Variants in SYT16 observed in about 807,000 individuals in gnomAD.
SYT16 encodes synaptotagmin 16.
Under a neutral mutation model 61.4 loss-of-function variants are expected in SYT16, and 42 were observed. That is an observed-to-expected ratio of 0.68 (90% CI 0.53 to 0.89). SYT16 has a LOEUF of 0.89. SYT16 is among the 40% of genes least tolerant of loss of function. SYT16 has a pLI of 0.00. For missense variants in SYT16, 804 were observed against 807.3 expected, an observed-to-expected ratio of 1.00 and a Z score of 0.05; for synonymous variants, 314 against 302.3, an observed-to-expected ratio of 1.04 and a Z score of -0.40.
chr14:61,885,155 G>T (rs573710847), intron 1 of SYT16, among the ~76,000 whole-genome samples: 1 of 152,208 alleles, frequency 6.6e-6, no homozygotes, highest in East Asian at 1.9e-4. Flanking sequence ...ATTTCAAATG[G>T]ACACAAGGAG....
intron 3 of SYT16, among the ~76,000 whole-genome samples, chr14:62,052,215 A>C (rs1325786066): frequency 1.3e-5 from 2 of 152,064 alleles, no homozygotes; most frequent in East Asian, 3.9e-4. Context: ...TTAATCCATG[A>C]ATTTCCTTTA....
At chr14:61,908,890 A>T (rs6573405) in intron 1 of SYT16, among the ~76,000 whole-genome samples, 136,790 of 152,178 alleles carry the variant, frequency 0.9, 61,630 homozygotes, top group East Asian at 0.98. Flanking sequence ...TGGCGTGATA[A>T]TGGTTCACTG....
At chr14:61,890,330 C>T (rs217681) in intron 1 of SYT16, among the ~76,000 whole-genome samples, 137,405 of 152,140 alleles carry the variant, frequency 0.9, 62,171 homozygotes, top group East Asian at 0.98. Flanking sequence ...GTTGAGAAGG[C>T]GCTTTGGGTT....
At chr14:62,076,385 T>C (rs2140960153) in intron 5 of SYT16, among the ~76,000 whole-genome samples, 1 of 150,744 alleles carries the variant, frequency 6.6e-6, no homozygotes, top group Non-Finnish European at 1.5e-5. Context: ...TTTGAGAAAA[T>C]AAACAGGATG....
intron 3 of SYT16, among the ~76,000 whole-genome samples, chr14:62,048,646 G>T (rs1166641512): frequency 6.6e-6 from 1 of 152,112 alleles, no homozygotes; most frequent in South Asian, 2.1e-4. Flanking sequence ...ACACTGCTTT[G>T]AATGTGTCCC....
chr14:61,963,051 G>A (rs986548328), intron 1 of SYT16, among the ~76,000 whole-genome samples: 3 of 151,984 alleles, frequency 2.0e-5, no homozygotes, highest in Non-Finnish European at 4.4e-5. Context: ...TAACTTAATC[G>A]ATAAATATTG....
At chr14:62,044,986 A>C (rs2054907808) in intron 3 of SYT16, among the ~76,000 whole-genome samples, 1 of 152,070 alleles carries the variant, frequency 6.6e-6, no homozygotes. Flanking sequence ...AAAAATACAA[A>C]AATTAGCTGG....
intron 3 of SYT16, among the ~76,000 whole-genome samples, chr14:62,055,519 C>T (rs542026891): frequency 1.3e-5 from 2 of 152,220 alleles, no homozygotes; most frequent in South Asian, 2.1e-4. Context: ...TTTTGTGATC[C>T]CTGCAGTCAG....
chr14:62,000,099 ATTTTTTT>A, intron 3 of SYT16, among the ~76,000 whole-genome samples: 1 of 18,950 alleles, frequency 5.3e-5, no homozygotes, highest in African/African-American at 2.9e-4. Context: ...TTGTCTCTCG[ATTTTTTT>A]TTTTTTTTTT....
intron 1 of SYT16, among the ~76,000 whole-genome samples, chr14:61,930,832 G>C (rs1251325854): frequency 6.6e-6 from 1 of 152,086 alleles, no homozygotes; most frequent in African/African-American, 2.4e-5. Context: ...TTTGAACATA[G>C]AGAAAGGGAC....
chr14:61,881,594 C>A (rs1023377000), intron 1 of SYT16, among the ~76,000 whole-genome samples: 1 of 152,144 alleles, frequency 6.6e-6, no homozygotes, highest in African/African-American at 2.4e-5. Context: ...TTGTTGAATG[C>A]CCTTCTCTTC....
chr14:62,001,385 C>G (rs2053007926), intron 3 of SYT16, among the ~76,000 whole-genome samples: 1 of 152,072 alleles, frequency 6.6e-6, no homozygotes, highest in Non-Finnish European at 1.5e-5. Context: ...GGTTGACAGT[C>G]ATTTTCTTTC....
intron 2 of SYT16, among the ~76,000 whole-genome samples, chr14:61,989,778 A>G (rs1376589788): frequency 1.3e-5 from 2 of 152,132 alleles, no homozygotes; most frequent in Non-Finnish European, 2.9e-5. Flanking sequence ...AAAGCTATTA[A>G]TATTTCTTTC....
At chr14:61,951,718 TTC>T (rs1400054914) in intron 1 of SYT16, among the ~76,000 whole-genome samples, 6 of 152,124 alleles carry the variant, frequency 3.9e-5, no homozygotes, top group African/African-American at 1.4e-4. Flanking sequence ...TGATTGAATA[TTC>T]TCTGACATTT....
At chr14:62,029,809 G>A (rs1327992476) in intron 3 of SYT16, among the ~76,000 whole-genome samples, 3 of 151,866 alleles carry the variant, frequency 2.0e-5, no homozygotes, top group African/African-American at 7.3e-5. Context: ...GGAGGAGATT[G>A]ATGGTTTTAT....
At chr14:61,867,527 G>A (rs542561613) in intron 1 of SYT16, among the ~76,000 whole-genome samples, 1 of 151,958 alleles carries the variant, frequency 6.6e-6, no homozygotes, top group Non-Finnish European at 1.5e-5. Flanking sequence ...TAAAAGCTAC[G>A]AGAATTAATA....
rs537936224 is a variant in SYT16 at position 61,877,123 on chromosome 14, C to T, written c.-325+64313C>T. Among the ~76,000 whole-genome samples, 8 of 152,020 alleles carry T rather than the reference C, an allele frequency of 5.3e-5. No homozygotes were observed. In the East Asian group the frequency reaches 7.7e-4, roughly 15 times the overall value. ...CAAATGACAGTACTACCTGGGGAGG[C>T]GGGTGGGAGATGATCGGTTTTCTTC... On this transcript the variant is annotated intron_variant, in intron 1 of 7. Coordinates refer to ENST00000683842, the MANE Select transcript of SYT16 (RefSeq NM_001367656.1).
At chr14:61,838,482 G>C (rs1012755689) in intron 1 of SYT16, among the ~76,000 whole-genome samples, 1 of 152,144 alleles carries the variant, frequency 6.6e-6, no homozygotes, top group African/African-American at 2.4e-5. Flanking sequence ...TCTACTGTTG[G>C]CTTTCTGGAA....
chr14:61,975,945 C>T (rs1566731220), intron 2 of SYT16, among the ~76,000 whole-genome samples: 3 of 152,142 alleles, frequency 2.0e-5, no homozygotes, highest in South Asian at 4.1e-4. Context: ...AAGGCAAGTC[C>T]CTTCCACCTA....
Sources: allele counts gnomAD v4.1 joint callset (sites outside exome capture counted in the v4.1 genomes callset), GRCh38; gene constraint gnomAD v4.1.1; transcripts MANE v1.5; gene names NCBI Gene and HGNC (gene_info 2026-07-23, HGNC 2026-07-21).